The following PANK4 variants were observed in gnomAD, a reference collection of about 807,000 sequenced individuals.
PANK4 encodes the protein pantothenate kinase 4 (inactive), also known as 4'-phosphopantetheine phosphatase.
Under a neutral mutation model 87.9 loss-of-function variants are expected in PANK4, and 40 were observed. The ratio of observed to expected loss-of-function variants is 0.46; its 90% CI spans 0.35 to 0.59. The LOEUF (loss-of-function observed/expected upper bound fraction) is 0.59. Among genes scored for constraint, PANK4 ranks in the 20% least tolerant of loss-of-function variants. The probability of loss-of-function intolerance (pLI) is 0.00; values close to 1 mark genes in which losing one functional copy is unlikely to be tolerated. For missense variants in PANK4, 926 were observed against 1,072.3 expected (o/e 0.86, Z 1.90); for synonymous variants, 524 against 467.4 (o/e 1.12, Z -1.56).
Position 2,510,110 on chromosome 1 carries a change from G to A in PANK4, c.1986C>T (p.His662=). The A allele has an allele frequency of 6.2e-7, 1 of 1,611,160 alleles. No homozygotes were observed. The highest frequency in any genetic ancestry group is 2.2e-5 in the East Asian group (1 of 44,756). Residue 662 remains histidine (H), a synonymous_variant, in exon 17 of 19, where the codon CAC becomes CAT. Transcript: ENST00000378466. This position sits in a 1 kb window ranked among gnomAD's most constrained non-coding sequence, Gnocchi z 4.9. Reference sequence around the variant, plus strand: ...GCTCTGCCACGATGAGGGACTCGCTGTGGGTCACGTCGTTCAGGGCGGGGC... The same window carrying A: ...GCTCTGCCACGATGAGGGACTCGCTATGGGTCACGTCGTTCAGGGCGGGGC... ...NSGPALNDVT[H]SESLIVAERI... is the part of the protein sequence containing the mutation.
intron 9 of PANK4, among the ~76,000 whole-genome samples, chr1:2,516,755 C>T (rs960141120): frequency 2.6e-5 from 4 of 152,244 alleles, no homozygotes; most frequent in South Asian, 2.1e-4. Flanking sequence ...GTGCAGAAGG[C>T]GGCAGGAGCC....
At chr1:2,521,393 G>A (rs1286158969) in intron 2 of PANK4, 78 bp from the exon 3 acceptor site, 3 of 1,155,384 alleles carry the variant, frequency 2.6e-6, no homozygotes, top group Non-Finnish European at 3.9e-6. Flanking sequence ...TGCCCTAGTG[G>A]AGCTGGCTGT....
chr1:2,521,732 C>G lies in PANK4; in HGVS notation c.193G>C (p.Asp65His), dbSNP rs149819089. ...TGCAGGCTCACCTTTCCGGAGTGGT[C>G]GAAAGACCGCACCTTGGCGACTTTG... Reference protein sequence around the residue: ...QHKVAKVRSFDHSGKDTEREH... With the variant: ...QHKVAKVRSFHHSGKDTEREH... The change falls in exon 2 of 19, where the codon GAC becomes CAC. Residue 65 changes from aspartate (D) to histidine (H), a missense_variant. Asp to His is a moderately conservative substitution (Grantham distance 81). Coordinates refer to ENST00000378466, the MANE Select transcript of PANK4 (RefSeq NM_018216.4). 7 of 1,613,754 alleles carry G rather than the reference C, an allele frequency of 4.3e-6. No homozygotes were observed. The highest frequency in any genetic ancestry group is 2.2e-5 in the East Asian group (1 of 44,894).
chr1:2,525,370 G>C (rs531616712), intron 1 of PANK4, among the ~76,000 whole-genome samples: 9 of 152,212 alleles, frequency 5.9e-5, no homozygotes, highest in Middle Eastern at 3.4e-3. Flanking sequence ...ACACACCGCT[G>C]CTCTTGTGGG....
intron 13 of PANK4, 143 bp from the exon 14 acceptor site, chr1:2,511,826 G>C: frequency 1.5e-6 from 1 of 657,374 alleles, no homozygotes; most frequent in African/African-American, 1.8e-5. Flanking sequence ...TCCCAGGTGG[G>C]ACAGGGGCAG....
chr1:2,509,996 C>G lies in PANK4; in HGVS notation c.2039+61G>C. The G allele has an allele frequency of 6.3e-7, 1 of 1,578,040 alleles. No individual in the cohort carries two copies. The highest frequency in any genetic ancestry group is 1.8e-5 in the Admixed American group (1 of 56,726). Reference sequence around the variant, plus strand: ...GTTCAGTGACAATCCCCATGGCCCACTCTGCCCAGCTGGTGCCCCTCCCCA... The same window carrying G: ...GTTCAGTGACAATCCCCATGGCCCAGTCTGCCCAGCTGGTGCCCCTCCCCA... On this transcript the variant is annotated intron_variant, in intron 17 of 18. Coordinates refer to ENST00000378466, the MANE Select transcript of PANK4 (RefSeq NM_018216.4). This position sits in a 1 kb window ranked among gnomAD's most constrained non-coding sequence, Gnocchi z 4.9.
rs1024351029 is a variant in PANK4 at position 2,510,500 on chromosome 1, C to G, written c.1938+178G>C. ...GGACCCTCAGCCTGAGCCCAGGGGGCTCGGAGCCTCCACCCCAGCAGATGA... is the reference window on the plus strand; with the variant it reads ...GGACCCTCAGCCTGAGCCCAGGGGGGTCGGAGCCTCCACCCCAGCAGATGA... On this transcript the variant is annotated intron_variant, in intron 16 of 18. Transcript: ENST00000378466. This position sits in a 1 kb window ranked among gnomAD's most constrained non-coding sequence, Gnocchi z 4.9. 8.1e-6 allele frequency: 5 copies of G among 619,738 alleles called. No homozygotes were observed. Among genetic ancestry groups the G allele is most frequent in the Non-Finnish European group, 1.4e-5 (5 of 348,880 alleles). The allele number at this position is 619,738 out of a possible 1,614,324, so 38.4% of individuals were successfully genotyped here.
intron 1 of PANK4, among the ~76,000 whole-genome samples, chr1:2,523,861 C>T (rs546547461): frequency 1.6e-4 from 24 of 152,348 alleles, no homozygotes; most frequent in African/African-American, 5.3e-4. Flanking sequence ...TGCCTCCTGG[C>T]GGCTCTCCGG....
In PANK4 at chr1:2,520,044, C is replaced by A; in HGVS notation, c.700-90G>T. On this transcript the variant is annotated intron_variant, in intron 5 of 18. Coordinates refer to ENST00000378466, the MANE Select transcript of PANK4 (RefSeq NM_018216.4). The surrounding 1 kb of genome is among the most constrained non-coding windows in gnomAD (Gnocchi z 6.2). ...AACCAAGCCCATGGCAGGAGGCACG[C>A]GCGGGCAGGGGGTAAATGGGCCCTC... 1 of 1,294,986 alleles carries A rather than the reference C, an allele frequency of 7.7e-7. No individual in the cohort carries two copies. Among genetic ancestry groups the A allele is most frequent in the Non-Finnish European group, 1.0e-6 (1 of 954,024 alleles). The allele number at this position is 1,294,986 out of a possible 1,614,324, so 80.2% of individuals were successfully genotyped here.
intron 3 of PANK4, 31 bp downstream of exon 3, chr1:2,521,070 T>C: frequency 1.3e-6 from 2 of 1,586,696 alleles, no homozygotes; most frequent in African/African-American, 1.3e-5. Context: ...CAGACACATG[T>C]TCCTTTCTCG....
Position 2,518,260 on chromosome 1 carries a change from A to G in PANK4, c.1122T>C (p.Pro374=). Residue 374 remains proline, a synonymous_variant, in exon 9 of 19, where the codon CCT becomes CCC. Coordinates refer to ENST00000378466, the MANE Select transcript of PANK4 (RefSeq NM_018216.4). ...AFLKGAEQDN[P]NQYSWGENYA... The stretch of plus-strand genomic sequence containing the variant: ...AGTTCTCTCCCCAGCTGTACTGGTT[A>G]GGATCTGGAAAGCAAGAAGCCAGGT... 1 of 1,609,168 alleles carries G rather than the reference A, an allele frequency of 6.2e-7. No individual in the cohort carries two copies. The highest frequency in any genetic ancestry group is 8.5e-7 in the Non-Finnish European group (1 of 1,177,430).
rs543327730 is a variant in PANK4, at chr1:2,511,038, G to C, written c.1834-256C>G. On this transcript the variant is annotated intron_variant, in intron 15 of 18. Transcript: ENST00000378466. Reference sequence around the variant, plus strand: ...CAGAGGCACCGGGACGGGCCAGCCTGCAGGGGCTGAGACTGGGGCTTCAGG... The same window carrying C: ...CAGAGGCACCGGGACGGGCCAGCCTCCAGGGGCTGAGACTGGGGCTTCAGG... Among the ~76,000 whole-genome samples, 111 of 152,236 alleles carry C rather than the reference G, an allele frequency of 7.3e-4. 1 individual carries two copies. Among genetic ancestry groups the C allele is most frequent in the African/African-American group, 2.6e-3 (110 of 41,560 alleles).
At chr1:2,516,035 C>A in intron 9 of PANK4, 1 of 459,520 alleles carries the variant, frequency 2.2e-6, no homozygotes, top group Non-Finnish European at 4.0e-6. Flanking sequence ...CCTCCTCCAC[C>A]ATCCCTATAG....
At chr1:2,526,402 G>C (rs1384165294) in intron 1 of PANK4, 62 bp downstream of exon 1, 165 of 436,756 alleles carry the variant, frequency 3.8e-4, no homozygotes, top group Middle Eastern at 1.1e-3. Context: ...CCCGCTCGCC[G>C]GCCCACCGCC....
Position 2,515,881 on chromosome 1 carries a change from C to T in PANK4, c.1219-164G>A, listed in dbSNP as rs1173443257. 35 of 724,040 alleles carry T rather than the reference C, an allele frequency of 4.8e-5. No individual in the cohort carries two copies. In the East Asian group the frequency reaches 7.9e-4, roughly 16 times the overall value. 44.9% of individuals were successfully genotyped at this position (724,040 alleles called of 1,614,324 possible). Reference sequence around the variant, plus strand: ...CCCCCACTGGGCCCCCTCAGCTGCCCGGCGGCCTGAGCCGGATACCTTGAC... The same window carrying T: ...CCCCCACTGGGCCCCCTCAGCTGCCTGGCGGCCTGAGCCGGATACCTTGAC... On this transcript the variant is annotated intron_variant, in intron 9 of 18. Transcript: ENST00000378466. The surrounding 1 kb of genome is among the most constrained non-coding windows in gnomAD (Gnocchi z 5.0).
chr1:2,523,400 C>G (rs781108823), intron 1 of PANK4, among the ~76,000 whole-genome samples: 1 of 152,182 alleles, frequency 6.6e-6, no homozygotes, highest in African/African-American at 2.4e-5. Flanking sequence ...TGCACCATGC[C>G]GCCGACTCAC....
chr1:2,512,717 G>A (rs1296573115), intron 13 of PANK4, 171 bp downstream of exon 13: 2 of 669,984 alleles, frequency 3.0e-6, no homozygotes, highest in Admixed American at 2.6e-5. Context: ...GCCCTGCCCA[G>A]CCCCTGGCGC....
intron 13 of PANK4, among the ~76,000 whole-genome samples, chr1:2,512,063 G>A (rs1416311884): frequency 1.3e-5 from 2 of 152,204 alleles, no homozygotes; most frequent in South Asian, 2.1e-4. Flanking sequence ...AGGTGGACTC[G>A]GAGCCACGGG....
rs1284986475 is a variant in PANK4 at position 2,510,297 on chromosome 1, C to G, written c.1939-140G>C. The G allele has an allele frequency of 3.0e-6, 2 of 669,690 alleles. No homozygotes were observed. Among genetic ancestry groups the G allele is most frequent in the Non-Finnish European group, 5.5e-6 (2 of 365,908 alleles). The allele number at this position is 669,690 out of a possible 1,614,324, so 41.5% of individuals were successfully genotyped here. ...TGGCCAGCCACCTGCTGCTGAGGAG[C>G]AGGGACCTCGCCTGACCTTGCCACT... On this transcript the variant is annotated intron_variant, in intron 16 of 18. Coordinates refer to ENST00000378466, the MANE Select transcript of PANK4 (RefSeq NM_018216.4). This position sits in a 1 kb window ranked among gnomAD's most constrained non-coding sequence, Gnocchi z 4.9.
Sources: gnomAD v4.1 joint callset for allele counts (sites outside exome capture counted in the v4.1 genomes callset) on GRCh38, gnomAD v4.1.1 for gene constraint, Gnocchi (gnomAD v3.1) non-coding constraint, MANE v1.5 for transcripts, NCBI Gene and HGNC (gene_info 2026-07-23, HGNC 2026-07-21) for gene names.